FRMD4A: variants seen among roughly 807,000 people sequenced by gnomAD.
FRMD4A encodes the protein FERM domain containing 4A, also known as FERM domain-containing protein 4A.
Under a neutral mutation model 129.1 loss-of-function variants are expected in FRMD4A, and 29 were observed. The ratio of observed to expected loss-of-function variants is 0.22; its 90% CI spans 0.17 to 0.31. FRMD4A has a LOEUF of 0.31. Among genes scored for constraint, FRMD4A ranks in the 10% least tolerant of loss-of-function variants. The probability of loss-of-function intolerance (pLI) is 1.00; values close to 1 mark genes in which losing one functional copy is unlikely to be tolerated. For synonymous variants in FRMD4A, 634 were observed against 571.6 expected, an observed-to-expected ratio of 1.11 and a Z score of -1.56; for missense variants, 1,272 against 1,375.8, an observed-to-expected ratio of 0.92 and a Z score of 1.19.
At chr10:13,663,409 T>C (rs976788300) in intron 19 of FRMD4A, 44 bp downstream of exon 19, 1 of 1,029,914 alleles carries the variant, frequency 9.7e-7, no homozygotes, top group Non-Finnish European at 1.5e-6. Flanking sequence ...CATCTCTGTT[T>C]ACTCTGAGCT....
chr10:13,984,121 T>G (rs1375175208), intron 2 of FRMD4A, among the ~76,000 whole-genome samples: 2 of 151,982 alleles, frequency 1.3e-5, no homozygotes, highest in African/African-American at 4.8e-5. Flanking sequence ...CACGGTGAAG[T>G]GGCCTGGGGT....
chr10:13,893,176 A>C (rs991420157), intron 2 of FRMD4A, among the ~76,000 whole-genome samples: 1 of 152,084 alleles, frequency 6.6e-6, no homozygotes, highest in Non-Finnish European at 1.5e-5. Flanking sequence ...AACTGGGACT[A>C]CAGGCACACC....
At chr10:13,911,719 G>A (rs550660025) in intron 2 of FRMD4A, among the ~76,000 whole-genome samples, 16 of 152,130 alleles carry the variant, frequency 1.1e-4, no homozygotes, top group African/African-American at 3.4e-4. Flanking sequence ...GTGCCACCTC[G>A]CCTGGCTAAT....
In FRMD4A at chr10:14,307,767, C is replaced by T. The variant is rs1846401513; in HGVS notation, c.45+22291G>A. Among the ~76,000 whole-genome samples, 4 of 152,152 alleles carry T rather than the reference C, an allele frequency of 2.6e-5. No individual in the cohort carries two copies. In the South Asian group the frequency reaches 8.3e-4, roughly 32 times the overall value. On this transcript the variant is annotated intron_variant, in intron 2 of 24. Transcript: ENST00000357447. ...ATGCTTTCTCAAGCATCCCCTCTCA[C>T]CGAGCTCCACGAACGATAAGGGAAT...
intron 3 of FRMD4A, 31 bp from the exon 4 acceptor site, chr10:13,810,939 A>T: frequency 9.0e-7 from 1 of 1,115,720 alleles, no homozygotes. Flanking sequence ...AAGAAGGGTA[A>T]GTGATGAGAG....
intron 2 of FRMD4A, among the ~76,000 whole-genome samples, chr10:13,871,728 C>A (rs773269309): frequency 6.6e-6 from 1 of 152,200 alleles, no homozygotes; most frequent in Non-Finnish European, 1.5e-5. Context: ...GCTGTTAGAT[C>A]CTCTTGCATC....
intron 2 of FRMD4A, among the ~76,000 whole-genome samples, chr10:14,049,337 G>T (rs564976738): frequency 1.3e-5 from 2 of 152,260 alleles, no homozygotes; most frequent in Admixed American, 1.3e-4. Context: ...ATAGAATTTC[G>T]CACTAGGTGG....
At chr10:14,316,517 AAAAAAAAAAG>A (rs1433277179) in intron 2 of FRMD4A, among the ~76,000 whole-genome samples, 149 of 142,506 alleles carry the variant, frequency 1.0e-3, no homozygotes, top group African/African-American at 3.6e-3. Context: ...GCAAAAAAAA[AAAAAAAAAAG>A]AAGAAGAAGA....
chr10:13,714,021 A>AAATATATATAATATATAAT lies in FRMD4A; in HGVS notation c.760-6909_760-6908insATTATATATTATATATATT, dbSNP rs1225477259. ...ATACATATATAATATACATATATAA[A>AAATATATATAATATATAAT]ATATACATATATATATATATATATA... On this transcript the variant is annotated intron_variant, in intron 12 of 24. Coordinates refer to ENST00000357447, the MANE Select transcript of FRMD4A (RefSeq NM_018027.5). Among the ~76,000 whole-genome samples, 3 of 1,478 alleles carry AAATATATATAATATATAAT rather than the reference A, an allele frequency of 2.0e-3. 1 individual carries two copies. The highest frequency in any genetic ancestry group is 3.7e-3 in the African/African-American group (3 of 804). 1.0% of individuals were successfully genotyped at this position (1,478 alleles called of 152,430 possible). A position where few individuals can be genotyped will look rare whatever the true frequency, so the allele number is the denominator to read the frequency against.
At chr10:13,946,535 C>T (rs777418809) in intron 2 of FRMD4A, among the ~76,000 whole-genome samples, 1 of 152,208 alleles carries the variant, frequency 6.6e-6, no homozygotes, top group Non-Finnish European at 1.5e-5. Context: ...TTGGGTCAGT[C>T]TGGAAACTCT....
At chr10:13,975,687 T>A (rs985387687) in intron 2 of FRMD4A, among the ~76,000 whole-genome samples, 4 of 152,056 alleles carry the variant, frequency 2.6e-5, no homozygotes, top group African/African-American at 9.7e-5. Flanking sequence ...GGGGTCATTA[T>A]CTCTGTGTGT....
At chr10:13,778,575 G>T (rs1318227873) in intron 6 of FRMD4A, among the ~76,000 whole-genome samples, 1 of 151,178 alleles carries the variant, frequency 6.6e-6, no homozygotes, top group African/African-American at 2.4e-5. Flanking sequence ...GAAGGAAAGT[G>T]ATGGCTGATA....
chr10:14,016,222 C>T (rs1037330014), intron 2 of FRMD4A, among the ~76,000 whole-genome samples: 5 of 151,790 alleles, frequency 3.3e-5, no homozygotes, highest in Admixed American at 3.3e-4. Context: ...ACTTCACGTG[C>T]TAATTGGACA....
At chr10:13,972,424 CA>C (rs1461353069) in intron 2 of FRMD4A, 2 of 507,426 alleles carry the variant, frequency 3.9e-6, no homozygotes, top group Non-Finnish European at 5.1e-6. Context: ...GGAAGCGTCC[CA>C]AGTTTAGGTT....
intron 2 of FRMD4A, among the ~76,000 whole-genome samples, chr10:13,929,955 G>A (rs1473484291): frequency 6.6e-6 from 1 of 152,170 alleles, no homozygotes; most frequent in East Asian, 1.9e-4. Flanking sequence ...ATACAGCAAA[G>A]AGCCAGGTAC....
At chr10:13,966,353 G>C (rs1259289145) in intron 2 of FRMD4A, among the ~76,000 whole-genome samples, 4 of 152,026 alleles carry the variant, frequency 2.6e-5, no homozygotes, top group Non-Finnish European at 5.9e-5. Context: ...ATATTAAGTT[G>C]GTGCAAAAGC....
chr10:14,182,562 T>A (rs2131902877), intron 2 of FRMD4A, among the ~76,000 whole-genome samples: 1 of 152,108 alleles, frequency 6.6e-6, no homozygotes, highest in South Asian at 2.1e-4. Context: ...CAAAAATTTT[T>A]TTTTTCTCTA....
chr10:14,068,670 T>C (rs1835173848), intron 2 of FRMD4A, among the ~76,000 whole-genome samples: 1 of 152,234 alleles, frequency 6.6e-6, no homozygotes, highest in South Asian at 2.1e-4. Context: ...CTTACATATG[T>C]GTGAGTTCAA....
chr10:13,688,853 G>A (rs1022027057), intron 15 of FRMD4A, among the ~76,000 whole-genome samples: 1 of 152,044 alleles, frequency 6.6e-6, no homozygotes, highest in Non-Finnish European at 1.5e-5. Flanking sequence ...AAGTATCTGG[G>A]ATTATGGGTG....
Sources: allele counts gnomAD v4.1 joint callset (sites outside exome capture counted in the v4.1 genomes callset), GRCh38; gene constraint gnomAD v4.1.1; transcripts MANE v1.5; gene names NCBI Gene and HGNC (gene_info 2026-07-23, HGNC 2026-07-21).